KAZN: variants seen among roughly 807,000 people sequenced by gnomAD.
KAZN encodes the protein kazrin, periplakin interacting protein.
Under a neutral mutation model 87.4 loss-of-function variants are expected in KAZN, and 40 were observed. The ratio of observed to expected loss-of-function variants is 0.46; its 90% CI spans 0.36 to 0.60. The LOEUF (loss-of-function observed/expected upper bound fraction) is 0.60. Ranked by LOEUF, KAZN falls within the 20% of genes least tolerant of loss-of-function variation. KAZN has a pLI of 0.00. For synonymous variants in KAZN, 466 were observed against 458.3 expected (o/e 1.02, Z -0.22); for missense variants, 898 against 1,073.9 (o/e 0.84, Z 2.29).
chr1:14,400,410 A>G (rs540547962), intron 2 of KAZN, among the ~76,000 whole-genome samples: 2 of 152,208 alleles, frequency 1.3e-5, no homozygotes, highest in Non-Finnish European at 2.9e-5. Flanking sequence ...CCATGAAAAT[A>G]TGCATTCCTT....
chr1:14,279,105 G>A (rs1652644327), intron 2 of KAZN, among the ~76,000 whole-genome samples: 1 of 151,808 alleles, frequency 6.6e-6, no homozygotes, highest in Admixed American at 6.6e-5. Context: ...GTAATTTTTG[G>A]CATATTATAA....
At chr1:13,989,524 C>T (rs1202368521) in intron 1 of KAZN, among the ~76,000 whole-genome samples, 1 of 152,158 alleles carries the variant, frequency 6.6e-6, no homozygotes, top group Non-Finnish European at 1.5e-5. Flanking sequence ...TAGGCCAATG[C>T]AGAAGTTAAT....
intron 2 of KAZN, among the ~76,000 whole-genome samples, chr1:14,446,282 A>T (rs910076433): frequency 5.9e-5 from 9 of 152,156 alleles, no homozygotes; most frequent in Non-Finnish European, 1.3e-4. Flanking sequence ...CACACACAAA[A>T]AATTAAAAAA....
chr1:14,828,048 C>T (rs1196719546), intron 1 of KAZN, among the ~76,000 whole-genome samples: 1 of 152,206 alleles, frequency 6.6e-6, no homozygotes, highest in African/African-American at 2.4e-5. Flanking sequence ...GCACACAGGG[C>T]ATAACTCAGC....
chr1:14,494,419 G>A (rs1669835980), intron 2 of KAZN, among the ~76,000 whole-genome samples: 1 of 151,940 alleles, frequency 6.6e-6, no homozygotes, highest in Admixed American at 6.6e-5. Flanking sequence ...TTTGAATTTG[G>A]GTCCCTCCAC....
intron 1 of KAZN, among the ~76,000 whole-genome samples, chr1:13,898,603 C>T (rs1321063704): frequency 6.6e-6 from 1 of 152,204 alleles, no homozygotes; most frequent in Non-Finnish European, 1.5e-5. Context: ...AGGAAGGTGA[C>T]AGGACTTCAG....
chr1:14,375,509 C>T (rs1660825150), intron 2 of KAZN, among the ~76,000 whole-genome samples: 1 of 152,136 alleles, frequency 6.6e-6, no homozygotes, highest in Non-Finnish European at 1.5e-5. Context: ...TACTAAGAGG[C>T]CCTGAAAACC....
chr1:14,386,991 T>A (rs1039185955), intron 2 of KAZN, among the ~76,000 whole-genome samples: 2 of 152,196 alleles, frequency 1.3e-5, no homozygotes. Context: ...CGTCCCATAT[T>A]TCTTGGGAGG....
chr1:14,558,745 G>A (rs1051510399), intron 2 of KAZN, among the ~76,000 whole-genome samples: 20 of 152,108 alleles, frequency 1.3e-4, no homozygotes, highest in Admixed American at 9.8e-4. Flanking sequence ...GCTTTGATCC[G>A]CAGTTGTCTG....
At chr1:14,205,456 C>T (rs1287082798) in intron 2 of KAZN, among the ~76,000 whole-genome samples, 1 of 152,038 alleles carries the variant, frequency 6.6e-6, no homozygotes, top group African/African-American at 2.4e-5. Flanking sequence ...CATGCCCTAG[C>T]CTGCATCATA....
intron 2 of KAZN, among the ~76,000 whole-genome samples, chr1:14,420,475 G>A (rs769449265): frequency 5.3e-5 from 8 of 152,166 alleles, no homozygotes; most frequent in Non-Finnish European, 8.8e-5. Context: ...CGCAAGTCCC[G>A]CACCATGCAC....
intron 2 of KAZN, among the ~76,000 whole-genome samples, chr1:14,341,055 T>C (rs564123207): frequency 8.2e-6 from 1 of 121,326 alleles, no homozygotes; most frequent in African/African-American, 2.8e-5. Flanking sequence ...GCCCAGCTAA[T>C]TTTTGTATTT....
intron 2 of KAZN, among the ~76,000 whole-genome samples, chr1:14,524,081 G>T (rs1180321863): frequency 1.3e-5 from 2 of 152,084 alleles, no homozygotes; most frequent in Non-Finnish European, 2.9e-5. Context: ...GAGTACAGTG[G>T]TGTGAGCTCG....
intron 1 of KAZN, among the ~76,000 whole-genome samples, chr1:14,624,114 T>C (rs1297475348): frequency 1.3e-5 from 2 of 152,202 alleles, no homozygotes; most frequent in Admixed American, 1.3e-4. Flanking sequence ...ACTTGTCCTA[T>C]CAGTTATTTA....
intron 1 of KAZN, among the ~76,000 whole-genome samples, chr1:14,618,138 A>C (rs1678398729): frequency 6.6e-6 from 1 of 152,222 alleles, no homozygotes; most frequent in African/African-American, 2.4e-5. Context: ...ATGGCAGCTG[A>C]GTCCGGCGCT....
intron 1 of KAZN, among the ~76,000 whole-genome samples, chr1:13,956,219 C>A (rs576795026): frequency 6.6e-6 from 1 of 152,092 alleles, no homozygotes; most frequent in Non-Finnish European, 1.5e-5. Flanking sequence ...GTACAGTCTT[C>A]AAGTTGAGTC....
chr1:13,933,293 G>T (rs1004859325), intron 1 of KAZN, among the ~76,000 whole-genome samples: 1 of 152,002 alleles, frequency 6.6e-6, no homozygotes, highest in Non-Finnish European at 1.5e-5. Flanking sequence ...AGGAGTTCGA[G>T]ACCAGACTGA....
chr1:14,162,621 T>C (rs1294438610), intron 1 of KAZN, among the ~76,000 whole-genome samples: 1 of 151,366 alleles, frequency 6.6e-6, no homozygotes, highest in Non-Finnish European at 1.5e-5. Flanking sequence ...CTGGGCTCAC[T>C]GCAAGCTCCA....
intron 2 of KAZN, among the ~76,000 whole-genome samples, chr1:14,256,629 C>T (rs1056121275): frequency 1.3e-5 from 2 of 152,136 alleles, no homozygotes; most frequent in Non-Finnish European, 2.9e-5. Flanking sequence ...TGGGTCTTCT[C>T]GGAGCCCATC....
Sources: gnomAD v4.1 joint callset for allele counts (sites outside exome capture counted in the v4.1 genomes callset) on GRCh38, gnomAD v4.1.1 for gene constraint, MANE v1.5 for transcripts, NCBI Gene and HGNC (gene_info 2026-07-23, HGNC 2026-07-21) for gene names.